CACNG2: variants seen among roughly 807,000 people sequenced by gnomAD.
CACNG2 encodes the protein calcium voltage-gated channel auxiliary subunit gamma 2, also known as voltage-dependent calcium channel gamma-2 subunit.
Under a neutral mutation model 25.9 loss-of-function variants are expected in CACNG2, and 3 were observed. The observed-to-expected ratio is 0.12, with a 90% confidence interval of 0.05 to 0.30. CACNG2 has a LOEUF of 0.30. Ranked by LOEUF, CACNG2 falls within the 10% of genes least tolerant of loss-of-function variation. The pLI, the probability that CACNG2 is intolerant of heterozygous loss-of-function variation, is 1.00. For missense variants in CACNG2, 341 were observed against 432.5 expected, an observed-to-expected ratio of 0.79 and a Z score of 1.88; for synonymous variants, 167 against 173.3, an observed-to-expected ratio of 0.96 and a Z score of 0.29.
At chr22:36,658,643 C>G (rs1485235341) in intron 1 of CACNG2, among the ~76,000 whole-genome samples, 1 of 152,156 alleles carries the variant, frequency 6.6e-6, no homozygotes, top group African/African-American at 2.4e-5. Context: ...CATCTGTATC[C>G]AGCCCTTGCC....
At chr22:36,685,308 C>T (rs1336635390) in intron 1 of CACNG2, among the ~76,000 whole-genome samples, 2 of 152,130 alleles carry the variant, frequency 1.3e-5, no homozygotes, top group African/African-American at 2.4e-5. Context: ...CGCCCGCGCC[C>T]AGGCAGCTTC....
intron 1 of CACNG2, among the ~76,000 whole-genome samples, chr22:36,595,659 GC>G (rs2145928229): frequency 6.6e-6 from 1 of 152,292 alleles, no homozygotes; most frequent in South Asian, 2.1e-4. Flanking sequence ...GGGTCTCACT[GC>G]CCGCTGTCCC....
intron 1 of CACNG2, among the ~76,000 whole-genome samples, chr22:36,613,156 C>CTCTGTGTGTG (rs140413982): frequency 0.022 from 3,183 of 146,136 alleles, 58 homozygotes; most frequent in Admixed American, 0.031. Flanking sequence ...TACAGGCTCT[C>CTCTGTGTGTG]TGTGTGTGTG....
intron 2 of CACNG2, among the ~76,000 whole-genome samples, chr22:36,572,435 A>T (rs1344949115): frequency 6.6e-6 from 1 of 152,180 alleles, no homozygotes; most frequent in Non-Finnish European, 1.5e-5. Context: ...GTCTTCCAAT[A>T]AAACTTTATT....
chr22:36,609,106 C>T (rs868494154), intron 1 of CACNG2, among the ~76,000 whole-genome samples: 1 of 152,102 alleles, frequency 6.6e-6, no homozygotes, highest in Admixed American at 6.5e-5. Context: ...TGAGTCTAAT[C>T]GGCAGGAATC....
At chr22:36,631,488 C>A (rs116123320) in intron 1 of CACNG2, among the ~76,000 whole-genome samples, 1,858 of 152,270 alleles carry the variant, frequency 0.012, 40 homozygotes, top group African/African-American at 0.042. Flanking sequence ...AGGCAGGTAA[C>A]CTATCCCTGA....
At chr22:36,676,636 C>G (rs2145997523) in intron 1 of CACNG2, among the ~76,000 whole-genome samples, 1 of 152,322 alleles carries the variant, frequency 6.6e-6, no homozygotes, top group Middle Eastern at 3.4e-3. Context: ...GCTCAACTTG[C>G]TACAGCTTTG....
At chr22:36,677,495 A>T (rs981108398) in intron 1 of CACNG2, among the ~76,000 whole-genome samples, 2 of 152,148 alleles carry the variant, frequency 1.3e-5, no homozygotes, top group African/African-American at 2.4e-5. Flanking sequence ...ATGCTACAGA[A>T]GCCTATTACA....
Position 36,676,610 on chromosome 22 carries a change from G to A in CACNG2, c.211+25756C>T, listed in dbSNP as rs144627663. Among the ~76,000 whole-genome samples the A allele has an allele frequency of 2.0e-5, 3 of 152,312 alleles. No homozygotes were observed. The East Asian group carries it at 5.8e-4, about 29-fold the overall frequency. On this transcript the variant is annotated intron_variant, in intron 1 of 3. Coordinates refer to ENST00000300105, the MANE Select transcript of CACNG2 (RefSeq NM_006078.5). ...ACCTCAAGTCCACACTACCTTCCTCGTGAGGCTGCTACGAGGCTCAACTTG... is the reference window on the plus strand; with the variant it reads ...ACCTCAAGTCCACACTACCTTCCTCATGAGGCTGCTACGAGGCTCAACTTG...
At chr22:36,590,538 T>C (rs1440060536) in intron 1 of CACNG2, among the ~76,000 whole-genome samples, 1 of 152,078 alleles carries the variant, frequency 6.6e-6, no homozygotes, top group African/African-American at 2.4e-5. Flanking sequence ...CCTGTCTGTA[T>C]TAGATCCTTA....
chr22:36,676,160 G>A (rs897479777), intron 1 of CACNG2, among the ~76,000 whole-genome samples: 1 of 152,176 alleles, frequency 6.6e-6, no homozygotes, highest in South Asian at 2.1e-4. Context: ...ATATCTCTTG[G>A]GGGTATTTGC....
chr22:36,601,596 C>T (rs1419512436), intron 1 of CACNG2, among the ~76,000 whole-genome samples: 4 of 152,040 alleles, frequency 2.6e-5, no homozygotes, highest in Middle Eastern at 3.2e-3. Flanking sequence ...TGGGTTCAAG[C>T]GATTCTCATG....
At chr22:36,667,129 A>G (rs559257557) in intron 1 of CACNG2, among the ~76,000 whole-genome samples, 1 of 152,100 alleles carries the variant, frequency 6.6e-6, no homozygotes, top group East Asian at 1.9e-4. Flanking sequence ...AGCTGAGATT[A>G]TAGGCACCTG....
chr22:36,614,393 A>G (rs1935992590), intron 1 of CACNG2, among the ~76,000 whole-genome samples: 1 of 152,000 alleles, frequency 6.6e-6, no homozygotes, highest in African/African-American at 2.4e-5. Context: ...CCCTTCCCCC[A>G]CATCACCCCA....
chr22:36,591,185 C>CGAAGTA (rs1935586504), intron 1 of CACNG2, among the ~76,000 whole-genome samples: 1 of 152,078 alleles, frequency 6.6e-6, no homozygotes, highest in Non-Finnish European at 1.5e-5. Flanking sequence ...TACAGGCGCC[C>CGAAGTA]GCCACTACGC....
chr22:36,605,380 A>G (rs1011801186), intron 1 of CACNG2, among the ~76,000 whole-genome samples: 12 of 152,218 alleles, frequency 7.9e-5, no homozygotes, highest in East Asian at 1.9e-4. Context: ...CGGCCCCAAC[A>G]TAACTTTTAT....
chr22:36,600,621 A>T (rs540707569), intron 1 of CACNG2, among the ~76,000 whole-genome samples: 1 of 150,736 alleles, frequency 6.6e-6, no homozygotes, highest in African/African-American at 2.4e-5. Flanking sequence ...ATCTTGGCTC[A>T]CTGCAAACTC....
chr22:36,655,043 C>T (rs754083161), intron 1 of CACNG2, among the ~76,000 whole-genome samples: 168 of 151,766 alleles, frequency 1.1e-3, no homozygotes, highest in Non-Finnish European at 1.5e-3. Flanking sequence ...AAACAGAATG[C>T]TGGGGCCGGA....
At chr22:36,574,974 GAC>G (rs1047938822) in intron 2 of CACNG2, among the ~76,000 whole-genome samples, 15 of 152,206 alleles carry the variant, frequency 9.9e-5, no homozygotes, top group Admixed American at 9.2e-4. Flanking sequence ...CTATCTCACA[GAC>G]ACACAGAGAG....
Sources: allele counts gnomAD v4.1 joint callset (sites outside exome capture counted in the v4.1 genomes callset), GRCh38; gene constraint gnomAD v4.1.1; transcripts MANE v1.5; gene names NCBI Gene and HGNC (gene_info 2026-07-23, HGNC 2026-07-21).